DST: variants seen among roughly 807,000 people sequenced by gnomAD.
The protein encoded by DST is dystonin.
Under a neutral mutation model 875.2 loss-of-function variants are expected in DST, and 253 were observed. That is an observed-to-expected ratio of 0.29 (90% CI 0.26 to 0.32). The LOEUF (loss-of-function observed/expected upper bound fraction) is 0.32, where lower values mean the gene tolerates loss of function less well. Among genes scored for constraint, DST ranks in the 10% least tolerant of loss-of-function variants. The pLI, the probability that DST is intolerant of heterozygous loss-of-function variation, is 1.00. For synonymous variants in DST, 3,124 were observed against 3,197.1 expected, an observed-to-expected ratio of 0.98 and a Z score of 0.77; for missense variants, 8,287 against 9,111.6, an observed-to-expected ratio of 0.91 and a Z score of 3.68.
intron 98 of DST, chr6:56,467,443 T>C (rs2094635533): frequency 6.6e-6 from 1 of 152,162 alleles, no homozygotes; most frequent in African/African-American, 2.4e-5. Flanking sequence ...AAAACCACTA[T>C]TTCTAAATCT....
At position 56,598,577 on chromosome 6, in the gene DST, C is replaced by A; in HGVS notation, c.11827G>T (p.Glu3943Ter). ...DKALIEQKLN[E>*]AKIKCEQLNL... is the part of the protein sequence containing the mutation. ...AGCTGTTCACACTTTATCTTAGCTT[C>A]ATTAAGTTTCTGTTCAATCAAAGCC... Residue 3943 changes from glutamate (E) to a stop codon, truncating the protein, a stop_gained, in exon 46 of 104, where the codon GAA becomes TAA. Coordinates refer to ENST00000680361, the MANE Select transcript of DST (RefSeq NM_001374736.1). LOFTEE classifies it high-confidence loss of function. 6.2e-7 allele frequency: 1 copy of A among 1,612,472 alleles called. No homozygotes were observed. Among genetic ancestry groups the A allele is most frequent in the Non-Finnish European group, 8.5e-7 (1 of 1,179,020 alleles).
Position 56,791,718 on chromosome 6 carries a change from G to A in DST, c.626-56429C>T, listed in dbSNP as rs888427988. On this transcript the variant is annotated intron_variant, in intron 4 of 103. Coordinates refer to ENST00000680361, the MANE Select transcript of DST (RefSeq NM_001374736.1). ...GAGGATCACCTGAGCCCAGGATGTC[G>A]AGGGTGCAGCAGTGAGCCATGATCA... 4.0e-5 allele frequency among the ~76,000 whole-genome samples: 6 copies of A among 150,930 alleles called. 1 individual carries two copies. In the South Asian group the frequency reaches 8.4e-4, roughly 21 times the overall value.
chr6:56,760,429 C>T (rs1293045595), intron 4 of DST, among the ~76,000 whole-genome samples: 1 of 152,128 alleles, frequency 6.6e-6, no homozygotes, highest in African/African-American at 2.4e-5. Flanking sequence ...CAGTAAGACC[C>T]ACTGTGTAAT....
At chr6:56,694,050 T>C (rs2099248557) in intron 9 of DST, among the ~76,000 whole-genome samples, 1 of 149,416 alleles carries the variant, frequency 6.7e-6, no homozygotes, top group Admixed American at 6.7e-5. Context: ...TATATATATA[T>C]ATACATATAT....
intron 2 of DST, among the ~76,000 whole-genome samples, chr6:56,910,975 T>G (rs1416770953): frequency 3.3e-5 from 5 of 152,192 alleles, no homozygotes; most frequent in African/African-American, 9.6e-5. Flanking sequence ...TGAAAATATT[T>G]TAAAATCTCT....
chr6:56,663,625 T>C (rs2099056347), intron 10 of DST, among the ~76,000 whole-genome samples: 1 of 152,246 alleles, frequency 6.6e-6, no homozygotes, highest in Non-Finnish European at 1.5e-5. Flanking sequence ...TGTGACTGAA[T>C]CACCGGCCTC....
At chr6:56,782,273 G>A (rs1309050630) in intron 4 of DST, among the ~76,000 whole-genome samples, 2 of 152,252 alleles carry the variant, frequency 1.3e-5, no homozygotes, top group East Asian at 3.9e-4. Flanking sequence ...TTTTTCTATT[G>A]ATTGGACTAG....
At chr6:56,496,475 T>G (rs1216893516) in intron 82 of DST, among the ~76,000 whole-genome samples, 2 of 134,442 alleles carry the variant, frequency 1.5e-5, no homozygotes, top group East Asian at 2.0e-4. Context: ...AACAAGGAAG[T>G]TTTTTTTTTT....
intron 51 of DST, among the ~76,000 whole-genome samples, 154 bp downstream of exon 51, chr6:56,573,525 C>G (rs1214861732): frequency 3.3e-5 from 5 of 152,160 alleles, no homozygotes; most frequent in Non-Finnish European, 5.9e-5. Flanking sequence ...ATTTTACACA[C>G]TTGATTTTGT....
chr6:56,860,484 T>C (rs1770471175), intron 3 of DST, among the ~76,000 whole-genome samples: 1 of 152,196 alleles, frequency 6.6e-6, no homozygotes. Flanking sequence ...TATCCCCAAA[T>C]ACCCTGGTTA....
chr6:56,563,967 T>C (rs950791011), intron 55 of DST, among the ~76,000 whole-genome samples: 1 of 152,248 alleles, frequency 6.6e-6, no homozygotes, highest in South Asian at 2.1e-4. Context: ...CATGCTGTTT[T>C]GGTTACTGTA....
Position 56,607,344 on chromosome 6 carries a change from G to C in DST, c.7284C>G (p.Ile2428Met). The change falls in exon 40 of 104, where the codon ATC (isoleucine) becomes ATG (methionine). Residue 2428 changes from isoleucine (I) to methionine (M), a missense_variant. Coordinates refer to ENST00000680361, the MANE Select transcript of DST (RefSeq NM_001374736.1). ...CACTTAGCCTGGGGGAATAGTCAAA[G>C]ATAGGTGAATCCCTGTTTGTATTAT... ...NEDNTNRDSPIFDYSPRLSAL... is the reference protein window; with the variant it reads ...NEDNTNRDSPMFDYSPRLSAL... 1.2e-6 allele frequency: 2 copies of C among 1,613,182 alleles called. No homozygotes were observed. Among genetic ancestry groups the C allele is most frequent in the South Asian group, 2.2e-5 (2 of 91,054 alleles).
At chr6:56,657,385 T>C (rs2099014582) in intron 10 of DST, among the ~76,000 whole-genome samples, 1 of 152,174 alleles carries the variant, frequency 6.6e-6, no homozygotes, top group Non-Finnish European at 1.5e-5. Context: ...TGGAGTACAC[T>C]GTAAAATAAT....
chr6:56,708,133 A>T (rs1318358351), intron 5 of DST, among the ~76,000 whole-genome samples: 2 of 152,204 alleles, frequency 1.3e-5, no homozygotes, highest in East Asian at 3.9e-4. Flanking sequence ...AAGGGAAAAG[A>T]CATTTTAGTC....
At chr6:56,620,343 C>A in intron 36 of DST, 2 of 1,614,180 alleles carry the variant, frequency 1.2e-6, no homozygotes, top group Non-Finnish European at 1.7e-6. Context: ...TTCTCTTCCA[C>A]GGCAGCTCTT....
At chr6:56,560,165 T>G in intron 58 of DST, 129 bp downstream of exon 58, 1 of 951,228 alleles carries the variant, frequency 1.1e-6, no homozygotes, top group Admixed American at 3.4e-5. Context: ...ATGCAAAAAA[T>G]AGATTCTGAA....
intron 4 of DST, chr6:56,843,596 G>A (rs936368200): frequency 1.5e-4 from 146 of 983,946 alleles, no homozygotes; most frequent in Middle Eastern, 5.2e-4. Flanking sequence ...CGGCAGCGGT[G>A]CGGGAGGACC....
chr6:56,868,789 T>G (rs1420890134), intron 3 of DST, among the ~76,000 whole-genome samples: 1 of 152,206 alleles, frequency 6.6e-6, no homozygotes. Context: ...CAAAACATGG[T>G]GCAATTAGGA....
chr6:56,759,957 CAT>C (rs2152961035), intron 4 of DST, among the ~76,000 whole-genome samples: 1 of 152,262 alleles, frequency 6.6e-6, no homozygotes, highest in Admixed American at 6.5e-5. Flanking sequence ...GTATGCACTG[CAT>C]ATGTCAAAAT....
Sources: gnomAD v4.1 joint callset for allele counts (sites outside exome capture counted in the v4.1 genomes callset) on GRCh38, gnomAD v4.1.1 for gene constraint, MANE v1.5 for transcripts, NCBI Gene and HGNC (gene_info 2026-07-23, HGNC 2026-07-21) for gene names.